The following TRIQK variants were observed in gnomAD, a reference collection of about 807,000 sequenced individuals.
The protein encoded by TRIQK is triple QxxK/R motif-containing protein.
A neutral mutation model predicts 10.8 loss-of-function variants in TRIQK; 10 were observed. That is an observed-to-expected ratio of 0.92 (90% confidence interval 0.57 to 1.57). The LOEUF is 1.57. TRIQK is among the 40% of genes most tolerant of loss of function. The pLI, the probability that TRIQK is intolerant of heterozygous loss-of-function variation, is 0.00. For missense variants in TRIQK, 107 were observed against 97.7 expected (o/e 1.09, Z -0.40); for synonymous variants, 33 against 33.7 (o/e 0.98, Z 0.07).
intron 2 of TRIQK, among the ~76,000 whole-genome samples, chr8:92,930,488 G>A (rs1428845654): frequency 1.4e-5 from 2 of 144,218 alleles, no homozygotes; most frequent in African/African-American, 2.6e-5. Context: ...GCTAATACAA[G>A]AAGAAACACA....
chr8:92,916,607 C>T (rs1248905657), intron 3 of TRIQK, among the ~76,000 whole-genome samples: 2 of 151,806 alleles, frequency 1.3e-5, no homozygotes, highest in Non-Finnish European at 2.9e-5. Flanking sequence ...AATATGTATA[C>T]AAAGGAATGA....
In TRIQK at chr8:92,883,725, T is replaced by C. The variant is rs1460002164; in HGVS notation, c.*2897A>G. On this transcript the variant is annotated 3_prime_UTR_variant, in exon 5 of 5. Transcript: ENST00000521988. ...GAGTAAGAACATACTCTCAAGATCT[T>C]ACAGTCATTGGTTGGGGTGAAAGTA... is the stretch of plus-strand genomic sequence containing the variant. The C allele has an allele frequency of 6.6e-6, 1 of 151,738 alleles. No individual in the cohort carries two copies. Among genetic ancestry groups the C allele is most frequent in the Non-Finnish European group, 1.5e-5 (1 of 67,794 alleles). 9.4% of individuals were successfully genotyped at this position (151,738 alleles called of 1,614,324 possible). A position where few individuals can be genotyped will look rare whatever the true frequency, so the allele number is the denominator to read the frequency against.
chr8:92,973,690 G>A (rs1485333226), intron 1 of TRIQK: 1 of 152,170 alleles, frequency 6.6e-6, no homozygotes, highest in Non-Finnish European at 1.5e-5. Flanking sequence ...GAAAACATTA[G>A]TAAGGATAAC....
At chr8:92,896,477 G>A (rs1401788836) in intron 3 of TRIQK, among the ~76,000 whole-genome samples, 1 of 152,174 alleles carries the variant, frequency 6.6e-6, no homozygotes, top group East Asian at 1.9e-4. Flanking sequence ...AGCCACCTCA[G>A]AGACTCAAGA....
upstream of TRIQK, among the ~76,000 whole-genome samples, chr8:92,971,033 C>A (rs370192623): frequency 6.6e-6 from 1 of 152,060 alleles, no homozygotes; most frequent in African/African-American, 2.4e-5. Context: ...GTTTTTCCAG[C>A]GCTGTTTATT....
intron 2 of TRIQK, among the ~76,000 whole-genome samples, chr8:92,917,268 T>C (rs1034540519): frequency 3.3e-5 from 5 of 152,148 alleles, no homozygotes; most frequent in South Asian, 4.1e-4. Flanking sequence ...CATTAAACCA[T>C]ATTGTTAAAT....
At chr8:92,930,565 G>A (rs1271053001) in intron 2 of TRIQK, among the ~76,000 whole-genome samples, 1 of 152,038 alleles carries the variant, frequency 6.6e-6, no homozygotes, top group Non-Finnish European at 1.5e-5. Context: ...GAGGCAGCTT[G>A]TACCACTGCA....
chr8:92,986,746 A>T (rs1250444035), intron 1 of TRIQK, among the ~76,000 whole-genome samples: 1 of 152,190 alleles, frequency 6.6e-6, no homozygotes, highest in East Asian at 1.9e-4. Flanking sequence ...TAGTCATGCT[A>T]AAGAAGGCAA....
chr8:92,975,879 T>C (rs1812926720), intron 1 of TRIQK, among the ~76,000 whole-genome samples: 1 of 152,016 alleles, frequency 6.6e-6, no homozygotes, highest in Non-Finnish European at 1.5e-5. Flanking sequence ...TTTTCATTTA[T>C]TTAAAAAAAC....
In TRIQK at chr8:92,917,007, C is replaced by A; in HGVS notation, c.-18G>T. 6.7e-7 allele frequency: 1 copy of A among 1,485,098 alleles called. No individual in the cohort carries two copies. Among genetic ancestry groups the A allele is most frequent in the Non-Finnish European group, 8.9e-7 (1 of 1,125,254 alleles). The allele number at this position is 1,485,098 out of a possible 1,614,324, so 92.0% of individuals were successfully genotyped here. A position where few individuals can be genotyped will look rare whatever the true frequency, so the allele number is the denominator to read the frequency against. Reference sequence around the variant, plus strand: ...CTACCCATCTTTGATCTCCAAAATGCCTGCTGAAAAGAAAACAATTATAAT... The same window carrying A: ...CTACCCATCTTTGATCTCCAAAATGACTGCTGAAAAGAAAACAATTATAAT... On this transcript the variant is annotated 5_prime_UTR_variant, in exon 3 of 5. Transcript: ENST00000521988.
chr8:92,999,337 T>C (rs945837075), intron 1 of TRIQK, among the ~76,000 whole-genome samples: 1 of 152,182 alleles, frequency 6.6e-6, no homozygotes, highest in African/African-American at 2.4e-5. Context: ...TTTCAATCTA[T>C]TAGCTAAGGA....
intron 2 of TRIQK, among the ~76,000 whole-genome samples, chr8:92,927,134 A>G (rs1358161959): frequency 6.6e-6 from 1 of 152,208 alleles, no homozygotes; most frequent in Non-Finnish European, 1.5e-5. Flanking sequence ...TATTACAAAA[A>G]AAATGAATCT....
chr8:93,011,405 C>T (rs1009676017), intron 1 of TRIQK, among the ~76,000 whole-genome samples: 2 of 151,980 alleles, frequency 1.3e-5, no homozygotes, highest in Non-Finnish European at 2.9e-5. Context: ...TTAAAACTCA[C>T]AAGTAGAAAA....
In TRIQK at chr8:92,884,890, C is replaced by T. The variant is rs1360758303; in HGVS notation, c.*1732G>A. The T allele has an allele frequency of 2.2e-6, 1 of 455,958 alleles. No homozygotes were observed. The highest frequency in any genetic ancestry group is 4.4e-6 in the Non-Finnish European group (1 of 226,696). 28.2% of individuals were successfully genotyped at this position (455,958 alleles called of 1,614,324 possible). A position where few individuals can be genotyped will look rare whatever the true frequency, so the allele number is the denominator to read the frequency against. On this transcript the variant is annotated 3_prime_UTR_variant, in exon 5 of 5. Transcript: ENST00000521988. The stretch of plus-strand genomic sequence containing the variant: ...ATTTCTTGACATGTGGCATGTCACT[C>T]AGGAAAGTAAAAGGCCCATCATATC...
chr8:92,910,641 C>T (rs963579339), intron 3 of TRIQK, among the ~76,000 whole-genome samples: 3 of 150,380 alleles, frequency 2.0e-5, no homozygotes, highest in African/African-American at 7.3e-5. Context: ...AAGAAAAATA[C>T]AAGAGTACTT....
chr8:92,912,010 A>C lies in TRIQK; in HGVS notation c.61+4919T>G, dbSNP rs761835150. 1.9e-4 allele frequency among the ~76,000 whole-genome samples: 28 copies of C among 151,106 alleles called. 1 individual carries two copies. The highest frequency in any genetic ancestry group is 2.4e-4 in the Non-Finnish European group (16 of 67,532). Reference sequence around the variant, plus strand: ...ATACCATAATAGTAGTCAAAAATGGATAGATTATTGAGACAAAAAACTCAA... The same window carrying C: ...ATACCATAATAGTAGTCAAAAATGGCTAGATTATTGAGACAAAAAACTCAA... On this transcript the variant is annotated intron_variant, in intron 3 of 4. Transcript: ENST00000521988.
intron 1 of TRIQK, among the ~76,000 whole-genome samples, chr8:92,997,961 T>C (rs921459730): frequency 1.3e-5 from 2 of 152,156 alleles, no homozygotes; most frequent in East Asian, 3.9e-4. Context: ...TTTAGAAGTG[T>C]TATGGTACTC....
chr8:92,905,770 AC>A (rs996886811), intron 3 of TRIQK, among the ~76,000 whole-genome samples: 3 of 152,094 alleles, frequency 2.0e-5, no homozygotes, highest in Admixed American at 1.3e-4. Context: ...CATAGAAGCA[AC>A]CCTTCAGCAG....
Position 92,886,328 on chromosome 8 carries a change from C to T in TRIQK, c.*294G>A. The T allele has an allele frequency of 5.4e-6, 1 of 184,868 alleles. No individual in the cohort carries two copies. Among genetic ancestry groups the T allele is most frequent in the East Asian group, 1.4e-4 (1 of 7,380 alleles). The allele number at this position is 184,868 out of a possible 1,614,324, so 11.5% of individuals were successfully genotyped here. On this transcript the variant is annotated 3_prime_UTR_variant, in exon 5 of 5. Coordinates refer to ENST00000521988, the MANE Select transcript of TRIQK (RefSeq NM_001171797.2). Reference sequence around the variant, plus strand: ...TGATGGAATTATACACATAAATTGGCAATGACATTTGAAAAATTTAGGATC... The same window carrying T: ...TGATGGAATTATACACATAAATTGGTAATGACATTTGAAAAATTTAGGATC...
Sources: gnomAD v4.1 joint callset for allele counts (sites outside exome capture counted in the v4.1 genomes callset) on GRCh38, gnomAD v4.1.1 for gene constraint, MANE v1.5 for transcripts, NCBI Gene and HGNC (gene_info 2026-07-23, HGNC 2026-07-21) for gene names.